Variants in SLC1A1 observed in about 807,000 individuals in gnomAD.
SLC1A1 encodes solute carrier family 1 member 1, also known as excitatory amino acid transporter 3.
A neutral mutation model predicts 53.3 loss-of-function variants in SLC1A1; 43 were observed. The ratio of observed to expected loss-of-function variants is 0.81; its 90% CI spans 0.63 to 1.04. The LOEUF is 1.04. Ranked by LOEUF, SLC1A1 falls within the 50% of genes least tolerant of loss-of-function variation. The pLI, the probability that SLC1A1 is intolerant of heterozygous loss-of-function variation, is 0.00. For synonymous variants in SLC1A1, 307 were observed against 243.2 expected (o/e 1.26, Z -2.44); for missense variants, 748 against 664.9 (o/e 1.12, Z -1.37).
Position 4,549,426 on chromosome 9 carries a change from A to T in SLC1A1, c.232+4719A>T, listed in dbSNP as rs1305832623. On this transcript the variant is annotated intron_variant, in intron 2 of 11. Transcript: ENST00000262352. This position sits in a 1 kb window ranked among gnomAD's most constrained non-coding sequence, Gnocchi z 4.1. ...TTCTACTCAGGACATAATCTTTGCTAAAGGTAACCAAAAGCAGATGAAACA... is the reference window on the plus strand; with the variant it reads ...TTCTACTCAGGACATAATCTTTGCTTAAGGTAACCAAAAGCAGATGAAACA... Among the ~76,000 whole-genome samples the T allele has an allele frequency of 6.6e-6, 1 of 152,190 alleles. No homozygotes were observed. The highest frequency in any genetic ancestry group is 6.5e-5 in the Admixed American group (1 of 15,290).
chr9:4,567,540 G>C, intron 5 of SLC1A1, 129 bp from the exon 6 acceptor site: 1 of 696,126 alleles, frequency 1.4e-6, no homozygotes, highest in South Asian at 1.5e-5. Flanking sequence ...GGAGCCAACA[G>C]AGGCATTGGA....
intron 2 of SLC1A1, among the ~76,000 whole-genome samples, chr9:4,547,722 T>C (rs1817601783): frequency 6.6e-6 from 1 of 152,090 alleles, no homozygotes; most frequent in African/African-American, 2.4e-5. Flanking sequence ...CATGGTAGCA[T>C]TTTTTTGTAA....
intron 1 of SLC1A1, among the ~76,000 whole-genome samples, chr9:4,520,351 C>T (rs575005366): frequency 4.6e-5 from 7 of 152,216 alleles, no homozygotes; most frequent in Non-Finnish European, 1.0e-4. Context: ...CATGAAAAAG[C>T]CATCAAATTA....
intron 1 of SLC1A1, among the ~76,000 whole-genome samples, chr9:4,498,163 T>A (rs973276506): frequency 6.6e-6 from 1 of 152,156 alleles, no homozygotes; most frequent in Admixed American, 6.5e-5. Context: ...CCAGAGGAAC[T>A]CTTCTGTAAG....
intron 1 of SLC1A1, among the ~76,000 whole-genome samples, chr9:4,544,179 A>T (rs527373718): frequency 7.2e-5 from 11 of 152,278 alleles, no homozygotes; most frequent in South Asian, 2.1e-4. Flanking sequence ...CTGTCTCAAT[A>T]AAAATAATAA....
intron 2 of SLC1A1, among the ~76,000 whole-genome samples, chr9:4,546,082 G>T (rs1434784332): frequency 1.3e-5 from 2 of 152,150 alleles, no homozygotes. Context: ...TGGGGGTCAG[G>T]ATCTGCTGCA....
rs775862322 is a variant in SLC1A1, at chr9:4,567,675, A to C, written c.490A>C (p.Thr164Pro). The C allele has an allele frequency of 1.2e-6, 2 of 1,609,660 alleles. No homozygotes were observed. Among genetic ancestry groups the C allele is most frequent in the South Asian group, 1.1e-5 (1 of 90,756 alleles). ...LVQACFQQYK[T>P]KREEVKPPSD... ...GATTTTCTCCAACATGCAGTACAAA[A>C]CTAAGCGTGAAGAAGTGAAGCCTCC... The change falls in exon 6 of 12, where the codon ACT becomes CCT. Residue 164 changes from threonine to proline, a missense_variant. Coordinates refer to ENST00000262352, the MANE Select transcript of SLC1A1 (RefSeq NM_004170.6).
intron 4 of SLC1A1, 108 bp from the exon 5 acceptor site, chr9:4,565,939 G>C (rs998030701): frequency 2.3e-6 from 2 of 885,232 alleles, no homozygotes; most frequent in African/African-American, 1.6e-5. Flanking sequence ...GGCCAGAAGA[G>C]AAACCAGAGT....
intron 2 of SLC1A1, among the ~76,000 whole-genome samples, chr9:4,550,918 G>T (rs999646256): frequency 6.6e-6 from 1 of 152,166 alleles, no homozygotes. Flanking sequence ...CAGACCGTAT[G>T]TAAATGATTG....
chr9:4,497,507 C>T (rs968019412), intron 1 of SLC1A1, among the ~76,000 whole-genome samples: 3 of 152,292 alleles, frequency 2.0e-5, no homozygotes, highest in East Asian at 1.9e-4. Flanking sequence ...AATTGCTGAG[C>T]CATTTATGAC....
intron 1 of SLC1A1, among the ~76,000 whole-genome samples, chr9:4,528,989 A>C (rs571702984): frequency 1.5e-4 from 23 of 152,056 alleles, no homozygotes; most frequent in Non-Finnish European, 1.9e-4. Flanking sequence ...CAAGCTAGAA[A>C]ACAAGAACCC....
chr9:4,495,073 G>T (rs1820366179), intron 1 of SLC1A1, among the ~76,000 whole-genome samples: 1 of 152,120 alleles, frequency 6.6e-6, no homozygotes, highest in South Asian at 2.1e-4. Flanking sequence ...CATGGTCTTA[G>T]CAATACCCTT....
intron 1 of SLC1A1, among the ~76,000 whole-genome samples, chr9:4,528,578 AAAAC>A (rs1280369472): frequency 8.5e-5 from 13 of 152,298 alleles, no homozygotes; most frequent in African/African-American, 1.2e-4. Context: ...TCCGTCTCAA[AAAAC>A]AAACAAACAA....
intron 2 of SLC1A1, among the ~76,000 whole-genome samples, chr9:4,555,722 T>C (rs1274898206): frequency 6.6e-6 from 1 of 152,178 alleles, no homozygotes; most frequent in Non-Finnish European, 1.5e-5. Flanking sequence ...AATCGTGCTC[T>C]TCTTTTTCTG....
rs542693489 is a variant in SLC1A1, at chr9:4,517,586, T to A, written c.91+26816T>A. Among the ~76,000 whole-genome samples, 55 of 152,320 alleles carry A rather than the reference T, an allele frequency of 3.6e-4. 1 individual carries two copies. Among genetic ancestry groups the A allele is most frequent in the Non-Finnish European group, 7.1e-4 (48 of 68,020 alleles). ...AACACTGGTCACCTTCCCTCTTCTG[T>A]TATTGTGTACCAGAATGAAAGATGA... On this transcript the variant is annotated intron_variant, in intron 1 of 11. Coordinates refer to ENST00000262352, the MANE Select transcript of SLC1A1 (RefSeq NM_004170.6).
intron 10 of SLC1A1, among the ~76,000 whole-genome samples, chr9:4,582,003 T>G (rs149159319): frequency 1.3e-5 from 2 of 152,268 alleles, no homozygotes; most frequent in African/African-American, 4.8e-5. Context: ...AATTTTTACA[T>G]TTTCACCTTT....
intron 1 of SLC1A1, among the ~76,000 whole-genome samples, chr9:4,506,361 G>C (rs1242883554): frequency 1.3e-5 from 2 of 152,192 alleles, no homozygotes; most frequent in Admixed American, 6.5e-5. Flanking sequence ...TTTGGGCTTT[G>C]TGTACAGATG....
At chr9:4,496,660 G>T (rs989603688) in intron 1 of SLC1A1, among the ~76,000 whole-genome samples, 1 of 151,932 alleles carries the variant, frequency 6.6e-6, no homozygotes, top group African/African-American at 2.4e-5. Flanking sequence ...TTTGGGAGGT[G>T]AAGGTGGGAG....
intron 1 of SLC1A1, among the ~76,000 whole-genome samples, chr9:4,503,576 A>T (rs1266679917): frequency 6.6e-6 from 1 of 151,838 alleles, no homozygotes; most frequent in African/African-American, 2.4e-5. Flanking sequence ...CAGGTGTGGT[A>T]GGATTTCTGG....
Sources: allele counts gnomAD v4.1 joint callset (sites outside exome capture counted in the v4.1 genomes callset), GRCh38; gene constraint gnomAD v4.1.1; non-coding constraint Gnocchi (gnomAD v3.1); transcripts MANE v1.5; gene names NCBI Gene and HGNC (gene_info 2026-07-23, HGNC 2026-07-21).